Variants in SLC8A1 observed in about 807,000 individuals in gnomAD.
SLC8A1 encodes sodium/calcium exchanger 1.
A neutral mutation model predicts 68.3 loss-of-function variants in SLC8A1; 18 were observed. The ratio of observed to expected loss-of-function variants is 0.26; its 90% CI spans 0.18 to 0.39. The LOEUF (loss-of-function observed/expected upper bound fraction) is 0.39, where lower values mean the gene tolerates loss of function less well. SLC8A1 is among the 10% of genes least tolerant of loss of function. SLC8A1 has a pLI of 1.00. For synonymous variants in SLC8A1, 475 were observed against 415.5 expected, an observed-to-expected ratio of 1.14 and a Z score of -1.74; for missense variants, 985 against 1,156.7, an observed-to-expected ratio of 0.85 and a Z score of 2.15.
exon 3 of SLC8A1, chr2:40,177,837 T>C: frequency 6.4e-7 from 1 of 1,550,724 alleles, no homozygotes. Context: ...GGTCAAATAT[T>C]CTAATGGTAA....
chr2:40,179,547 C>T (rs573209216), intron 2 of SLC8A1, among the ~76,000 whole-genome samples: 1 of 152,298 alleles, frequency 6.6e-6, no homozygotes, highest in East Asian at 1.9e-4. Context: ...TATTAGAAGC[C>T]TCTTAAACCC....
chr2:40,252,926 CATGTATATGTATGTACATATATACATAT>C (rs1311890425), intron 2 of SLC8A1, among the ~76,000 whole-genome samples: 44 of 114,808 alleles, frequency 3.8e-4, no homozygotes, highest in Non-Finnish European at 6.6e-4. Flanking sequence ...TATATACATA[CATGTATATGTATGTACATATATACATAT>C]GTGTGTATAT....
At chr2:40,466,527 T>C (rs1158815316) in intron 1 of SLC8A1, among the ~76,000 whole-genome samples, 1 of 152,220 alleles carries the variant, frequency 6.6e-6, no homozygotes, top group Non-Finnish European at 1.5e-5. Context: ...CTGCTACTAA[T>C]TAGGTGCTGG....
intron 2 of SLC8A1, among the ~76,000 whole-genome samples, chr2:40,291,241 G>T (rs2069252213): frequency 6.6e-6 from 1 of 152,144 alleles, no homozygotes; most frequent in Non-Finnish European, 1.5e-5. Flanking sequence ...AGTCTAAAAT[G>T]TCAAGCCACA....
At chr2:40,353,758 C>T (rs568219510) in intron 2 of SLC8A1, among the ~76,000 whole-genome samples, 4 of 152,318 alleles carry the variant, frequency 2.6e-5, no homozygotes, top group African/African-American at 7.2e-5. Flanking sequence ...ACTTGTGTCC[C>T]ATTTTCATTT....
chr2:40,302,779 T>C (rs940455508), intron 2 of SLC8A1, among the ~76,000 whole-genome samples: 19 of 152,176 alleles, frequency 1.2e-4, no homozygotes, highest in African/African-American at 4.3e-4. Context: ...CTGGATCAAA[T>C]GGTAGTTCCA....
Position 40,228,427 on chromosome 2 carries a change from T to C in SLC8A1, c.1809-50572A>G, listed in dbSNP as rs542219380. 5.3e-5 allele frequency among the ~76,000 whole-genome samples: 8 copies of C among 152,314 alleles called. No homozygotes were observed. The South Asian group carries it at 1.2e-3, about 24-fold the overall frequency. ...TGCTGCTGTCTACATTGGCATGACA[T>C]TGGAATTAAAGCCAACTGGAGGCAG... On this transcript the variant is annotated intron_variant, in intron 2 of 7. Transcript: ENST00000406785.
At chr2:40,507,128 T>C (rs1287552131) in intron 1 of SLC8A1, among the ~76,000 whole-genome samples, 1 of 152,042 alleles carries the variant, frequency 6.6e-6, no homozygotes, top group Non-Finnish European at 1.5e-5. Context: ...TTAATGAATG[T>C]AAAATTAAAT....
chr2:40,390,334 T>A (rs566340073), intron 2 of SLC8A1, among the ~76,000 whole-genome samples: 1 of 152,130 alleles, frequency 6.6e-6, no homozygotes, highest in South Asian at 2.1e-4. Context: ...CAATTGTGGA[T>A]AAAATGTTTA....
chr2:40,398,259 T>A (rs527595968), intron 2 of SLC8A1, among the ~76,000 whole-genome samples: 1 of 152,300 alleles, frequency 6.6e-6, no homozygotes, highest in Admixed American at 6.5e-5. Flanking sequence ...TGATCTGGCC[T>A]CCAGTTTGGC....
chr2:40,318,497 G>GAA (rs11411683), intron 2 of SLC8A1, among the ~76,000 whole-genome samples: 81 of 150,982 alleles, frequency 5.4e-4, no homozygotes, highest in Admixed American at 1.7e-3. Context: ...TTACAGAAAA[G>GAA]AAAAAAAAAC....
At chr2:40,404,527 T>A (rs750784406) in intron 2 of SLC8A1, among the ~76,000 whole-genome samples, 2 of 152,178 alleles carry the variant, frequency 1.3e-5, no homozygotes, top group African/African-American at 4.8e-5. Flanking sequence ...AGTTTGTGCA[T>A]GTTGAGGAAA....
At chr2:40,141,077 A>T (rs889261192) in intron 6 of SLC8A1, among the ~76,000 whole-genome samples, 4 of 152,194 alleles carry the variant, frequency 2.6e-5, no homozygotes, top group Non-Finnish European at 5.9e-5. Context: ...CATCTCCTTG[A>T]AGTCTTTGTT....
intron 6 of SLC8A1, among the ~76,000 whole-genome samples, chr2:40,158,824 C>G (rs531375475): frequency 1.1e-4 from 17 of 152,224 alleles, no homozygotes; most frequent in Middle Eastern, 3.4e-3. Context: ...ATATTAAACA[C>G]AACATATGAA....
chr2:40,358,931 C>T (rs760128355), intron 2 of SLC8A1, among the ~76,000 whole-genome samples: 4 of 152,068 alleles, frequency 2.6e-5, no homozygotes, highest in Admixed American at 6.6e-5. Context: ...GAGCAGGAGA[C>T]GCTTTGTACC....
At chr2:40,283,966 A>T (rs180974166) in intron 2 of SLC8A1, among the ~76,000 whole-genome samples, 2 of 152,230 alleles carry the variant, frequency 1.3e-5, no homozygotes, top group East Asian at 3.9e-4. Flanking sequence ...GTCCAGAAAA[A>T]CTAGGCTTGT....
chr2:40,334,082 A>C (rs1665152620), intron 2 of SLC8A1, among the ~76,000 whole-genome samples: 1 of 152,178 alleles, frequency 6.6e-6, no homozygotes, highest in South Asian at 2.1e-4. Flanking sequence ...ATCAATATGC[A>C]TTATCATGTA....
At chr2:40,240,028 A>T (rs1168744814) in intron 2 of SLC8A1, among the ~76,000 whole-genome samples, 6 of 152,214 alleles carry the variant, frequency 3.9e-5, no homozygotes, top group Non-Finnish European at 4.4e-5. Context: ...CTGTGAAACC[A>T]GCGCTTACCT....
exon 2 of SLC8A1, chr2:40,428,606 T>C (rs1697499200): frequency 6.2e-7 from 1 of 1,613,760 alleles, no homozygotes. Flanking sequence ...CTCAATACTT[T>C]CACCTCCATG....
Sources: allele counts gnomAD v4.1 joint callset (sites outside exome capture counted in the v4.1 genomes callset), GRCh38; gene constraint gnomAD v4.1.1; transcripts MANE v1.5; gene names NCBI Gene and HGNC (gene_info 2026-07-23, HGNC 2026-07-21).